TEX15: variants seen among roughly 807,000 people sequenced by gnomAD.
TEX15 encodes the protein testis-expressed protein 15.
A neutral mutation model predicts 237.3 loss-of-function variants in TEX15; 171 were observed. That is an observed-to-expected ratio of 0.72 (90% CI 0.64 to 0.82). The LOEUF is 0.82. Ranked by LOEUF, TEX15 falls within the 40% of genes least tolerant of loss-of-function variation. The pLI, the probability that TEX15 is intolerant of heterozygous loss-of-function variation, is 0.00. For synonymous variants in TEX15, 1,338 were observed against 1,269.8 expected (o/e 1.05, Z -1.14); for missense variants, 3,750 against 3,646.5 (o/e 1.03, Z -0.73).
Position 30,846,334 on chromosome 8 carries a change from A to G in TEX15, c.3833T>C (p.Phe1278Ser), listed in dbSNP as rs746984894. 8 of 1,612,802 alleles carry G rather than the reference A, an allele frequency of 5.0e-6. No individual in the cohort carries two copies. In the Middle Eastern group the frequency reaches 8.2e-4, roughly 166 times the overall value. The change falls in exon 8 of 11, where the codon TTC becomes TCC. Residue 1278 changes from phenylalanine to serine, a missense_variant. Phe to Ser is a radical substitution (Grantham distance 155, BLOSUM62 -2). Coordinates refer to ENST00000643185, the MANE Select transcript of TEX15 (RefSeq NM_001350162.2). The part of the protein sequence containing the change: ...VTTIDDGSRC[F>S]FTKSKTDYND... ...ATAGTCAGTTTTTGATTTTGTAAAG[A>G]AACATCTGCTTCCATCATCTATTGT...
chr8:30,836,751 C>A, intron 10 of TEX15, 52 bp downstream of exon 10: 1 of 1,437,006 alleles, frequency 7.0e-7, no homozygotes. Context: ...CATAAATGGA[C>A]ACAGTTAAAA....
chr8:30,842,653 A>T lies in TEX15; in HGVS notation c.7514T>A (p.Val2505Asp). 1 of 1,612,364 alleles carries T rather than the reference A, an allele frequency of 6.2e-7. No homozygotes were observed. The highest frequency in any genetic ancestry group is 8.5e-7 in the Non-Finnish European group (1 of 1,179,834). Residue 2505 changes from valine to aspartate, a missense_variant, in exon 8 of 11, where the codon GTT becomes GAT. Transcript: ENST00000643185. ...FSFLKDNSTD[V>D]CLWKVIETAV... Reference sequence around the variant, plus strand: ...AGTCTCTATCACTTTCCAAAGGCAAACATCTGTTGAGTTATCTTTAAGAAA... The same window carrying T: ...AGTCTCTATCACTTTCCAAAGGCAATCATCTGTTGAGTTATCTTTAAGAAA...
rs769895463 is a variant in TEX15, at chr8:30,847,815, T to C, written c.2352A>G (p.Ser784=). The change falls in exon 8 of 11, where the codon TCA becomes TCG. Residue 784 remains serine, a synonymous_variant. Transcript: ENST00000643185. ...AKEMFIDTVI[S]SYNIETAHDS... is the part of the protein sequence containing the mutation. ...CATGAGCTGTTTCTATGTTATAAGA[T>C]GAAATAACTGTATCAATGAACATTT... is the stretch of plus-strand genomic sequence containing the variant. The C allele has an allele frequency of 6.4e-5, 104 of 1,613,764 alleles. No individual in the cohort carries two copies. The Admixed American group carries it at 1.7e-3, about 26-fold the overall frequency.
chr8:30,881,266 C>G (rs540705695), intron 3 of TEX15, among the ~76,000 whole-genome samples: 3 of 151,930 alleles, frequency 2.0e-5, no homozygotes, highest in African/African-American at 7.3e-5. Context: ...TATTATTATT[C>G]TCTCAATTTC....
At position 30,847,964 on chromosome 8, in the gene TEX15, T is replaced by A; in HGVS notation, c.2203A>T (p.Ile735Phe). ...TGAGCAATGGCTAAACTTGTATGAA[T>A]GTTACCCTCATACTCCACAGAGTGC... ...PQHSVEYEGNIHTSLAIAQKL... is the reference protein window; with the variant it reads ...PQHSVEYEGNFHTSLAIAQKL... The change falls in exon 8 of 11, where the codon ATT (isoleucine) becomes TTT (phenylalanine). Residue 735 changes from isoleucine to phenylalanine, a missense_variant. Ile to Phe is a conservative substitution (Grantham distance 21, BLOSUM62 0). Coordinates refer to ENST00000643185, the MANE Select transcript of TEX15 (RefSeq NM_001350162.2). The A allele has an allele frequency of 6.2e-7, 1 of 1,614,016 alleles. No homozygotes were observed. The highest frequency in any genetic ancestry group is 8.5e-7 in the Non-Finnish European group (1 of 1,179,952).
chr8:30,846,079 A>G lies in TEX15; in HGVS notation c.4088T>C (p.Ile1363Thr). The change falls in exon 8 of 11, where the codon ATC (isoleucine) becomes ACC (threonine). Residue 1363 changes from isoleucine (I) to threonine (T), a missense_variant. Physicochemically the swap from Ile to Thr is moderately conservative, Grantham distance 89. Transcript: ENST00000643185. ...ACATAAAGATGCTTCATCACTTAGG[A>G]TATTTAGGACACTCTTAATGTGCTT... ...SEKHIKSVLN[I>T]LSDEASLCKS... 1 of 1,613,368 alleles carries G rather than the reference A, an allele frequency of 6.2e-7. No homozygotes were observed. Among genetic ancestry groups the G allele is most frequent in the Non-Finnish European group, 8.5e-7 (1 of 1,179,594 alleles).
intron 2 of TEX15, among the ~76,000 whole-genome samples, chr8:30,894,336 A>G (rs1808852108): frequency 6.6e-6 from 1 of 152,174 alleles, no homozygotes; most frequent in Admixed American, 6.5e-5. Flanking sequence ...TCTAAAAAAA[A>G]TCCGTATTTG....
At chr8:30,890,763 A>G (rs1176536293) in intron 2 of TEX15, among the ~76,000 whole-genome samples, 1 of 152,064 alleles carries the variant, frequency 6.6e-6, no homozygotes, top group Non-Finnish European at 1.5e-5. Context: ...TTATATTTTT[A>G]TTTTTTAATA....
At chr8:30,876,740 AGTAGTGAAATCACCAACAAAAATGTTAAC>A (rs1014217161) in intron 3 of TEX15, among the ~76,000 whole-genome samples, 2 of 152,214 alleles carry the variant, frequency 1.3e-5, no homozygotes, top group African/African-American at 4.8e-5. Flanking sequence ...GACCATTTAA[AGTAGTGAAATCACCAACAAAAATGTTAAC>A]AATTGATATG....
intron 3 of TEX15, among the ~76,000 whole-genome samples, chr8:30,881,539 T>G (rs891432580): frequency 1.3e-5 from 2 of 152,022 alleles, no homozygotes; most frequent in African/African-American, 4.8e-5. Context: ...GATAAAGGTT[T>G]GTCAATTTAA....
At chr8:30,838,103 T>C (rs751099794) in intron 9 of TEX15, 42 bp from the exon 10 acceptor site, 3 of 1,479,134 alleles carry the variant, frequency 2.0e-6, no homozygotes, top group South Asian at 2.8e-5. Flanking sequence ...TTTAAATATA[T>C]AGGGTCATAA....
In TEX15 at chr8:30,844,360, G is replaced by A; in HGVS notation, c.5807C>T (p.Ser1936Phe). ...GEIKVSKDSQ[S>F]DLTLHSEIAY... ...TATTTCTGAATGTAATGTCAAGTCA[G>A]ACTGCGAGTCTTTACTAACTTTAAT... The change falls in exon 8 of 11, where the codon TCT becomes TTT. Residue 1936 changes from serine to phenylalanine, a missense_variant. Physicochemically the swap from Ser to Phe is radical, Grantham distance 155. Transcript: ENST00000643185. 1 of 1,611,102 alleles carries A rather than the reference G, an allele frequency of 6.2e-7. No individual in the cohort carries two copies. Among genetic ancestry groups the A allele is most frequent in the Admixed American group, 1.7e-5 (1 of 59,580 alleles).
intron 1 of TEX15, among the ~76,000 whole-genome samples, chr8:30,906,660 T>C (rs976155426): frequency 4.6e-5 from 7 of 150,996 alleles, no homozygotes; most frequent in African/African-American, 1.7e-4. Flanking sequence ...GTACCTTGGA[T>C]AAGCAGGCAT....
rs34002027 is a variant in TEX15 at position 30,895,676 on chromosome 8, C to CTTTTTTTTTTTTTTTTTTTT, written c.-10+3046_-10+3065dup. On this transcript the variant is annotated intron_variant, in intron 2 of 10. Transcript: ENST00000643185. ...CATGTCAACACCTTTTAAACACATG[C>CTTTTTTTTTTTTTTTTTTTT]TTTTTTTTTTTTTTTTTTTTTTTTG... 2.3e-4 allele frequency among the ~76,000 whole-genome samples: 14 copies of CTTTTTTTTTTTTTTTTTTTT among 60,048 alleles called. 4 individuals are homozygous for CTTTTTTTTTTTTTTTTTTTT. The highest frequency in any genetic ancestry group is 1.1e-3 in the African/African-American group (13 of 12,340). The allele number at this position is 60,048 out of a possible 152,430, so 39.4% of individuals were successfully genotyped here. A position where few individuals can be genotyped will look rare whatever the true frequency, so the allele number is the denominator to read the frequency against.
chr8:30,841,159 G>C (rs1023897608), intron 8 of TEX15, among the ~76,000 whole-genome samples: 1 of 152,112 alleles, frequency 6.6e-6, no homozygotes, highest in African/African-American at 2.4e-5. Flanking sequence ...GACTCAAGCA[G>C]TCTGCCCACC....
chr8:30,848,306 T>A lies in TEX15; in HGVS notation c.1861A>T (p.Met621Leu), dbSNP rs771500742. The change falls in exon 8 of 11, where the codon ATG becomes TTG. Residue 621 changes from methionine (M) to leucine (L), a missense_variant. Coordinates refer to ENST00000643185, the MANE Select transcript of TEX15 (RefSeq NM_001350162.2). ...IDEYLQNTGK[M>L]KNFADLEDSS... is the part of the protein sequence containing the mutation. The stretch of plus-strand genomic sequence containing the variant: ...TCTTCCAGGTCAGCGAAGTTTTTCA[T>A]CTTTCCAGTATTTTGAAGGTATTCA... 4.8e-5 allele frequency: 77 copies of A among 1,613,148 alleles called. No individual in the cohort carries two copies. The highest frequency in any genetic ancestry group is 6.2e-5 in the Non-Finnish European group (73 of 1,179,834).
At chr8:30,850,114 G>A (rs538508197) in intron 7 of TEX15, among the ~76,000 whole-genome samples, 1 of 151,996 alleles carries the variant, frequency 6.6e-6, no homozygotes, top group African/African-American at 2.4e-5. Context: ...GGTGTGAGGT[G>A]GAAAAACAGG....
At chr8:30,858,364 C>T (rs142764382) in intron 7 of TEX15, among the ~76,000 whole-genome samples, 18 of 150,744 alleles carry the variant, frequency 1.2e-4, no homozygotes, top group African/African-American at 4.4e-4. Context: ...CTAGGCTGGG[C>T]GCAGTGGTGT....
intron 3 of TEX15, chr8:30,886,750 A>G (rs1464991865): frequency 6.5e-6 from 1 of 153,722 alleles, no homozygotes; most frequent in Admixed American, 6.5e-5. Flanking sequence ...CACTGGCAAG[A>G]AAGAAGAGGT....
Sources: gnomAD v4.1 joint callset for allele counts (sites outside exome capture counted in the v4.1 genomes callset) on GRCh38, gnomAD v4.1.1 for gene constraint, MANE v1.5 for transcripts, NCBI Gene and HGNC (gene_info 2026-07-23, HGNC 2026-07-21) for gene names.